The following TMEM165 variants were observed in gnomAD, a reference collection of about 807,000 sequenced individuals.
The protein encoded by TMEM165 is transmembrane protein 165.
Under a neutral mutation model 30.0 loss-of-function variants are expected in TMEM165, and 19 were observed. The ratio of observed to expected loss-of-function variants is 0.63; its 90% CI spans 0.44 to 0.93. The LOEUF (loss-of-function observed/expected upper bound fraction) is 0.93, where lower values mean the gene tolerates loss of function less well. TMEM165 is among the 40% of genes least tolerant of loss of function. The pLI, the probability that TMEM165 is intolerant of heterozygous loss-of-function variation, is 0.00. For missense variants in TMEM165, 340 were observed against 417.0 expected (o/e 0.82, Z 1.61); for synonymous variants, 168 against 162.9 (o/e 1.03, Z -0.24).
At chr4:55,431,892 C>CT (rs1326123492) in intron 3 of TMEM165, 1 of 152,176 alleles carries the variant, frequency 6.6e-6, no homozygotes, top group African/African-American at 2.4e-5. Context: ...AACAAGGGTT[C>CT]TTCTCCCTTC....
intron 1 of TMEM165, among the ~76,000 whole-genome samples, chr4:55,407,983 G>A (rs780345373): frequency 2.6e-5 from 4 of 152,142 alleles, no homozygotes; most frequent in Non-Finnish European, 4.4e-5. Flanking sequence ...TAATGCCTTG[G>A]CTATGAACTG....
intron 3 of TMEM165, among the ~76,000 whole-genome samples, chr4:55,441,028 C>G (rs180831018): frequency 1.3e-5 from 2 of 152,308 alleles, no homozygotes; most frequent in Admixed American, 1.3e-4. Flanking sequence ...TTTCTAAAGA[C>G]CTCTGAAGTA....
exon 4 of TMEM165, chr4:55,453,169 A>T: frequency 2.6e-6 from 4 of 1,510,048 alleles, no homozygotes; most frequent in Non-Finnish European, 3.7e-6. Flanking sequence ...GTGTCTGGTC[A>T]TTCGTTTAAA....
At chr4:55,401,003 A>G (rs1167188119) in intron 1 of TMEM165, among the ~76,000 whole-genome samples, 2 of 150,610 alleles carry the variant, frequency 1.3e-5, no homozygotes, top group Non-Finnish European at 2.9e-5. Context: ...GAGGGTAGGT[A>G]GGATATTTAA....
intron 4 of TMEM165, among the ~76,000 whole-genome samples, chr4:55,418,984 G>A (rs1721855673): frequency 6.6e-6 from 1 of 151,864 alleles, no homozygotes; most frequent in Non-Finnish European, 1.5e-5. Context: ...GGCAGAGGTT[G>A]CAGTGAGCCT....
chr4:55,406,505 TTAGTA>T (rs1721273686), intron 1 of TMEM165, among the ~76,000 whole-genome samples: 1 of 152,232 alleles, frequency 6.6e-6, no homozygotes, highest in Non-Finnish European at 1.5e-5. Context: ...GTACACATAC[TTAGTA>T]TATACTTTTT....
intron 3 of TMEM165, 72 bp downstream of exon 3, chr4:55,417,319 C>A: frequency 6.9e-7 from 1 of 1,449,398 alleles, no homozygotes; most frequent in Non-Finnish European, 9.3e-7. Context: ...AGAGGTTTCT[C>A]AGTGGCCCCA....
At chr4:55,442,570 G>T in intron 3 of TMEM165, 2 of 1,612,204 alleles carry the variant, frequency 1.2e-6, no homozygotes, top group Non-Finnish European at 1.7e-6. Flanking sequence ...GGCTGTAAGA[G>T]TGCTCTGTGT....
intron 1 of TMEM165, among the ~76,000 whole-genome samples, chr4:55,409,448 A>C (rs1213965482): frequency 1.3e-5 from 2 of 152,168 alleles, no homozygotes; most frequent in Non-Finnish European, 2.9e-5. Context: ...AAGCTTAAAA[A>C]ATTAAAAATA....
Position 55,411,840 on chromosome 4 carries a change from G to C in TMEM165, c.433+1G>C. ...TTGGGACTAATGACATGCTTGTCAG[G>C]TGAGTGTGCTTTTCCCTCTCATGAG... On this transcript the variant is annotated splice_donor_variant, in intron 2 of 5. Coordinates refer to ENST00000381334, the MANE Select transcript of TMEM165 (RefSeq NM_018475.5). LOFTEE classifies it high-confidence loss of function. The C allele has an allele frequency of 6.2e-7, 1 of 1,614,070 alleles. No individual in the cohort carries two copies.
chr4:55,411,975 C>T, intron 2 of TMEM165, 136 bp downstream of exon 2: 2 of 700,258 alleles, frequency 2.9e-6, no homozygotes, highest in Non-Finnish European at 5.0e-6. Flanking sequence ...CAACCTTTTC[C>T]TTGTGTATCC....
At chr4:55,426,584 G>GT (rs1308894900), downstream of TMEM165, among the ~76,000 whole-genome samples, 3 of 152,190 alleles carry the variant, frequency 2.0e-5, no homozygotes, top group Non-Finnish European at 4.4e-5. Context: ...ATCATATGCA[G>GT]TAACATTCCC....
chr4:55,420,106 A>AAAAAAAAAAAAAAAAAAATATAT (rs1474254120), intron 4 of TMEM165, among the ~76,000 whole-genome samples: 1 of 45,458 alleles, frequency 2.2e-5, no homozygotes, highest in Non-Finnish European at 4.1e-5. Context: ...AAGAAAAAAA[A>AAAAAAAAAAAAAAAAAAATATAT]ATATATATAT....
intron 1 of TMEM165, among the ~76,000 whole-genome samples, chr4:55,402,696 C>G (rs538620828): frequency 6.8e-6 from 1 of 146,100 alleles, no homozygotes; most frequent in South Asian, 2.1e-4. Context: ...GATCCACCTA[C>G]CACGCCTCCC....
At chr4:55,427,356 T>TTGTC (rs1459417582), downstream of TMEM165, among the ~76,000 whole-genome samples, 4 of 87,962 alleles carry the variant, frequency 4.5e-5, no homozygotes, top group East Asian at 1.1e-3. Flanking sequence ...TTTTGTTTGT[T>TTGTC]TGGAGACAAT....
chr4:55,409,621 G>T (rs1479405121), intron 1 of TMEM165, among the ~76,000 whole-genome samples: 1 of 152,118 alleles, frequency 6.6e-6, no homozygotes, highest in Non-Finnish European at 1.5e-5. Flanking sequence ...CCCACTAGAT[G>T]CCAGTAGTTC....
At chr4:55,441,885 A>G (rs375873122) in intron 3 of TMEM165, among the ~76,000 whole-genome samples, 54 of 152,220 alleles carry the variant, frequency 3.5e-4, no homozygotes, top group African/African-American at 1.3e-3. Flanking sequence ...TGAAATGAAG[A>G]CACCAAGGTC....
At chr4:55,403,682 C>G (rs1233155327) in intron 1 of TMEM165, among the ~76,000 whole-genome samples, 1 of 152,090 alleles carries the variant, frequency 6.6e-6, no homozygotes, top group Non-Finnish European at 1.5e-5. Flanking sequence ...ACACTAGTAT[C>G]TCATTACTTA....
rs2272074 is a variant in TMEM165, at chr4:55,416,967, A to C, written c.434-105A>C. On this transcript the variant is annotated intron_variant, in intron 2 of 5. Transcript: ENST00000381334. Reference sequence around the variant, plus strand: ...ACATACTAGATTAGCTTCTAATGTGAACCATTTTTCTTTTAACAGTGATAA... The same window carrying C: ...ACATACTAGATTAGCTTCTAATGTGCACCATTTTTCTTTTAACAGTGATAA... 4.9e-5 allele frequency: 48 copies of C among 978,364 alleles called. No individual in the cohort carries two copies. In the East Asian group the frequency reaches 1.2e-3, roughly 25 times the overall value. 60.6% of individuals were successfully genotyped at this position (978,364 alleles called of 1,614,324 possible).
Sources: gnomAD v4.1 joint callset for allele counts (sites outside exome capture counted in the v4.1 genomes callset) on GRCh38, gnomAD v4.1.1 for gene constraint, MANE v1.5 for transcripts, NCBI Gene and HGNC (gene_info 2026-07-23, HGNC 2026-07-21) for gene names.